The following ALPK1 variants were observed in gnomAD, a reference collection of about 807,000 sequenced individuals.
ALPK1 encodes the protein alpha-protein kinase 1.
In ALPK1, 110 loss-of-function variants were observed where a neutral mutation model predicts 120.6. The ratio of observed to expected loss-of-function variants is 0.91; its 90% confidence interval spans 0.78 to 1.07. The LOEUF is 1.07. ALPK1 is among the 50% of genes least tolerant of loss of function. The probability of loss-of-function intolerance (pLI) is 0.00; values close to 1 mark genes in which losing one functional copy is unlikely to be tolerated. For synonymous variants in ALPK1, 582 were observed against 560.3 expected (o/e 1.04, Z -0.55); for missense variants, 1,498 against 1,483.9 (o/e 1.01, Z -0.16).
chr4:112,382,250 C>A lies in ALPK1; in HGVS notation c.122-148C>A, dbSNP rs544289848. The A allele has an allele frequency of 2.4e-5, 24 of 1,011,474 alleles. No individual in the cohort carries two copies. The African/African-American group carries it at 3.5e-4, about 15-fold the overall frequency. 62.7% of individuals were successfully genotyped at this position (1,011,474 alleles called of 1,614,324 possible). A position where few individuals can be genotyped will look rare whatever the true frequency, so the allele number is the denominator to read the frequency against. On this transcript the variant is annotated intron_variant, in intron 3 of 15. Transcript: ENST00000650871. ...TTATTCTTTGAGTCAGAACCAACAG[C>A]TTAGACCAGCCAGCAAGAGGCAGGG...
intron 4 of ALPK1, 135 bp from the exon 5 acceptor site, chr4:112,411,692 G>C: frequency 1.3e-6 from 1 of 777,870 alleles, no homozygotes. Flanking sequence ...TTTCGGTTCA[G>C]CTGCCTAACA....
intron 3 of ALPK1, 88 bp from the exon 4 acceptor site, chr4:112,382,310 T>C: frequency 2.6e-6 from 2 of 762,294 alleles, no homozygotes; most frequent in Non-Finnish European, 1.8e-6. Context: ...TTTTTTTTTT[T>C]GCCACTGAGG....
intron 9 of ALPK1, among the ~76,000 whole-genome samples, chr4:112,428,781 A>T (rs1353495789): frequency 6.6e-6 from 1 of 152,196 alleles, no homozygotes; most frequent in Non-Finnish European, 1.5e-5. Context: ...CTCTATACGT[A>T]TTTACAGAAT....
chr4:112,325,407 G>T (rs1729069839), intron 2 of ALPK1, among the ~76,000 whole-genome samples: 2 of 152,284 alleles, frequency 1.3e-5, no homozygotes, highest in South Asian at 4.1e-4. Flanking sequence ...TTAAGCAAAT[G>T]AAATATCGTA....
rs1180403762 is a variant in ALPK1 at position 112,438,714 on chromosome 4, T to A, written c.3351+68T>A. On this transcript the variant is annotated intron_variant, in intron 13 of 15. Coordinates refer to ENST00000650871, the MANE Select transcript of ALPK1 (RefSeq NM_025144.4). ...ACTTGAATATCAATTAATCTGAGTA[T>A]CTGGTTCCACATAATCAGGCTAGCA... 3.2e-6 allele frequency: 5 copies of A among 1,541,050 alleles called. No homozygotes were observed. In the African/African-American group the frequency reaches 6.8e-5, roughly 21 times the overall value.
intron 4 of ALPK1, among the ~76,000 whole-genome samples, chr4:112,404,170 T>G (rs1390677766): frequency 6.6e-6 from 1 of 152,252 alleles, no homozygotes; most frequent in African/African-American, 2.4e-5. Context: ...AGCCATTCTC[T>G]GGGATAAACC....
At position 112,430,430 on chromosome 4, in the gene ALPK1, A is replaced by G. The variant is rs1341896306; in HGVS notation, c.901-18A>G. The G allele has an allele frequency of 6.5e-7, 1 of 1,547,290 alleles. No individual in the cohort carries two copies. On this transcript the variant is annotated intron_variant, in intron 10 of 15. Transcript: ENST00000650871. ...TTTTCAATTCAATATCTGATTTGGT[A>G]TTTGGTATTTTTCCCAGAATATCCG...
At chr4:112,355,611 G>A (rs1381520359) in intron 2 of ALPK1, among the ~76,000 whole-genome samples, 1 of 152,230 alleles carries the variant, frequency 6.6e-6, no homozygotes, top group Non-Finnish European at 1.5e-5. Flanking sequence ...CCTGGTCGGG[G>A]ATGACATCAA....
Position 112,297,402 on chromosome 4 carries a change from T to C in ALPK1, c.-220T>C, listed in dbSNP as rs1727584829. On this transcript the variant is annotated 5_prime_UTR_variant, in exon 1 of 16. Coordinates refer to ENST00000650871, the MANE Select transcript of ALPK1 (RefSeq NM_025144.4). Reference sequence around the variant, plus strand: ...GAAACAGTGTGTTTCAGAGAGGCTGTACCAGAATTAACTCTGCTCAGAGTT... The same window carrying C: ...GAAACAGTGTGTTTCAGAGAGGCTGCACCAGAATTAACTCTGCTCAGAGTT... 1 of 152,086 alleles carries C rather than the reference T, an allele frequency of 6.6e-6. No homozygotes were observed. Among genetic ancestry groups the C allele is most frequent in the Non-Finnish European group, 1.5e-5 (1 of 67,990 alleles). 9.4% of individuals were successfully genotyped at this position (152,086 alleles called of 1,614,324 possible).
intron 4 of ALPK1, among the ~76,000 whole-genome samples, chr4:112,403,613 T>C (rs1733026996): frequency 6.6e-6 from 1 of 152,210 alleles, no homozygotes; most frequent in Non-Finnish European, 1.5e-5. Flanking sequence ...AGTGCTTATT[T>C]TCCTCCTGAA....
chr4:112,422,254 A>T (rs1377985184), intron 5 of ALPK1, among the ~76,000 whole-genome samples: 1 of 152,196 alleles, frequency 6.6e-6, no homozygotes, highest in African/African-American at 2.4e-5. Context: ...GACTGCTGGT[A>T]ACTGAAACTG....
In ALPK1 at chr4:112,432,484, C is replaced by T. The variant is rs771058801; in HGVS notation, c.2937C>T (p.Asp979=). Residue 979 remains aspartate, a synonymous_variant, in exon 11 of 16, where the codon GAC becomes GAT. Coordinates refer to ENST00000650871, the MANE Select transcript of ALPK1 (RefSeq NM_025144.4). The part of the protein sequence containing the change: ...ILEARTLQPD[D]FEKLLAGVRH... ...AGGCTCGCACCTTGCAACCTGATGA[C>T]TTTGAAAAGCTGTTGGCAGGAGTGA... is the stretch of plus-strand genomic sequence containing the variant. 1 of 1,614,122 alleles carries T rather than the reference C, an allele frequency of 6.2e-7. No individual in the cohort carries two copies. The highest frequency in any genetic ancestry group is 2.2e-5 in the East Asian group (1 of 44,874).
intron 5 of ALPK1, among the ~76,000 whole-genome samples, chr4:112,415,509 C>T (rs533165687): frequency 3.3e-5 from 5 of 151,898 alleles, no homozygotes; most frequent in Non-Finnish European, 7.4e-5. Context: ...TGGTGGCAGG[C>T]GCACGAAATC....
intron 2 of ALPK1, among the ~76,000 whole-genome samples, chr4:112,372,110 C>T (rs370997718): frequency 2.6e-5 from 4 of 152,238 alleles, no homozygotes; most frequent in African/African-American, 7.2e-5. Context: ...TTTCTGGGTC[C>T]TCTTTTCATT....
chr4:112,359,263 C>T, intron 2 of ALPK1: 1 of 518,906 alleles, frequency 1.9e-6, no homozygotes, highest in Non-Finnish European at 3.5e-6. Context: ...GGCCAGCATG[C>T]CATGAGCGCC....
At chr4:112,351,884 A>T (rs1730376380) in intron 2 of ALPK1, among the ~76,000 whole-genome samples, 1 of 152,244 alleles carries the variant, frequency 6.6e-6, no homozygotes, top group South Asian at 2.1e-4. Context: ...CAATTATCTC[A>T]ATAGACTATG....
rs866125482 is a variant in ALPK1, at chr4:112,338,005, C to T, written c.-101+22153C>T. ...CTTTTGAGAGGGAGTATCACTCTGT[C>T]GCCCAGGCTGGAGTGCAATGGCATG... is the stretch of plus-strand genomic sequence containing the variant. On this transcript the variant is annotated intron_variant, in intron 2 of 15. Coordinates refer to ENST00000650871, the MANE Select transcript of ALPK1 (RefSeq NM_025144.4). Among the ~76,000 whole-genome samples the T allele has an allele frequency of 5.3e-5, 8 of 152,238 alleles. No individual in the cohort carries two copies. In the South Asian group the frequency reaches 1.0e-3, roughly 20 times the overall value.
At chr4:112,400,489 T>C (rs1352723873) in intron 4 of ALPK1, among the ~76,000 whole-genome samples, 1 of 152,108 alleles carries the variant, frequency 6.6e-6, no homozygotes, top group Admixed American at 6.6e-5. Flanking sequence ...GAGGTAGAAA[T>C]GTAGTCCCAA....
At chr4:112,375,773 C>T (rs1166377043) in intron 2 of ALPK1, among the ~76,000 whole-genome samples, 1 of 150,084 alleles carries the variant, frequency 6.7e-6, no homozygotes, top group African/African-American at 2.5e-5. Context: ...GCATTCACAA[C>T]TTGGCTGTTT....
Sources: allele counts gnomAD v4.1 joint callset (sites outside exome capture counted in the v4.1 genomes callset), GRCh38; gene constraint gnomAD v4.1.1; transcripts MANE v1.5; gene names NCBI Gene and HGNC (gene_info 2026-07-23, HGNC 2026-07-21).